The following ITGAM variants were observed in gnomAD, a reference collection of about 807,000 sequenced individuals.
ITGAM encodes the protein integrin alpha-M.
Under a neutral mutation model 137.5 loss-of-function variants are expected in ITGAM, and 79 were observed. The observed-to-expected ratio is 0.57, with a 90% CI of 0.48 to 0.69. ITGAM has a LOEUF of 0.69. ITGAM is among the 30% of genes least tolerant of loss of function. The pLI is 0.00. For synonymous variants in ITGAM, 583 were observed against 592.3 expected, an observed-to-expected ratio of 0.98 and a Z score of 0.23; for missense variants, 1,343 against 1,483.5, an observed-to-expected ratio of 0.91 and a Z score of 1.56.
intron 14 of ITGAM, among the ~76,000 whole-genome samples, chr16:31,317,787 C>A (rs2080407575): frequency 6.6e-6 from 1 of 152,028 alleles, no homozygotes; most frequent in South Asian, 2.1e-4. Context: ...TGGCGTATGA[C>A]CCTTTTGTGC....
chr16:31,298,143 G>A (rs553641299), intron 14 of ITGAM, among the ~76,000 whole-genome samples, 189 bp downstream of exon 14: 31 of 145,900 alleles, frequency 2.1e-4, no homozygotes, highest in Non-Finnish European at 1.5e-5. Flanking sequence ...TGAGTTGGGA[G>A]GATTGTTTAA....
intron 14 of ITGAM, among the ~76,000 whole-genome samples, chr16:31,304,863 C>A (rs1484296145): frequency 1.3e-5 from 2 of 152,046 alleles, no homozygotes; most frequent in Non-Finnish European, 2.9e-5. Context: ...TAACTATAGC[C>A]TTGTAGTATA....
At chr16:31,302,494 C>CTTTTTT in intron 14 of ITGAM, among the ~76,000 whole-genome samples, 6 of 87,978 alleles carry the variant, frequency 6.8e-5, no homozygotes, top group African/African-American at 3.1e-4. Context: ...TTTTTTCTTT[C>CTTTTTT]CTTCTTTCTT....
chr16:31,266,261 C>A, intron 5 of ITGAM, 114 bp downstream of exon 5: 1 of 715,792 alleles, frequency 1.4e-6, no homozygotes. Context: ...AGTGGGGGAA[C>A]TGGGTCCCAT....
At chr16:31,289,638 G>C (rs895366640) in intron 12 of ITGAM, among the ~76,000 whole-genome samples, 2 of 152,142 alleles carry the variant, frequency 1.3e-5, no homozygotes, top group Non-Finnish European at 1.5e-5. Context: ...GAAAGCATTA[G>C]GAGATATACC....
chr16:31,273,064 C>T (rs182428772), intron 7 of ITGAM, among the ~76,000 whole-genome samples: 119 of 151,798 alleles, frequency 7.8e-4, no homozygotes, highest in African/African-American at 2.8e-3. Context: ...TTTAGGAGGC[C>T]GAGGTGGGAG....
intron 14 of ITGAM, among the ~76,000 whole-genome samples, chr16:31,310,247 G>T (rs1395943244): frequency 6.6e-6 from 1 of 152,148 alleles, no homozygotes; most frequent in Non-Finnish European, 1.5e-5. Flanking sequence ...GGCCTGCCTT[G>T]CTAGATTGGG....
At chr16:31,330,259 C>T in intron 26 of ITGAM, 49 bp from the exon 27 acceptor site, 2 of 1,587,938 alleles carry the variant, frequency 1.3e-6, no homozygotes, top group Non-Finnish European at 1.7e-6. Context: ...GAGGGGTGTT[C>T]TCTGCCTTCG....
At chr16:31,302,920 C>CTTTCTTTCT (rs1879256545) in intron 14 of ITGAM, among the ~76,000 whole-genome samples, 1 of 5,914 alleles carries the variant, frequency 1.7e-4, no homozygotes, top group Admixed American at 2.0e-3. Flanking sequence ...TTCCCTCCCT[C>CTTTCTTTCT]TTTCTTTCTT....
chr16:31,273,539 G>C, intron 8 of ITGAM, 21 bp downstream of exon 8: 1 of 1,611,894 alleles, frequency 6.2e-7, no homozygotes, highest in Non-Finnish European at 8.5e-7. Flanking sequence ...CAGCTCTCAG[G>C]TTGATGCTTC....
chr16:31,295,355 G>T (rs1392334283), intron 12 of ITGAM, among the ~76,000 whole-genome samples: 1 of 151,690 alleles, frequency 6.6e-6, no homozygotes, highest in Non-Finnish European at 1.5e-5. Flanking sequence ...ATTTATTTTT[G>T]TCTTGTTTAA....
chr16:31,317,037 T>A (rs1044910463), intron 14 of ITGAM, among the ~76,000 whole-genome samples: 1 of 152,206 alleles, frequency 6.6e-6, no homozygotes, highest in South Asian at 2.1e-4. Context: ...TCATGTCAAT[T>A]GCAAACAGGG....
In ITGAM at chr16:31,260,145, G is replaced by A. The variant is rs917278631; in HGVS notation, c.28+53G>A. On this transcript the variant is annotated intron_variant, in intron 1 of 29. Transcript: ENST00000544665. ...GGGTGGGGAGGAGGGTAACTTTTGGGTCTGTCATAAATAGAGGGCCCAGAA... is the reference window on the plus strand; with the variant it reads ...GGGTGGGGAGGAGGGTAACTTTTGGATCTGTCATAAATAGAGGGCCCAGAA... 17 of 1,367,428 alleles carry A rather than the reference G, an allele frequency of 1.2e-5. No individual in the cohort carries two copies. In the Admixed American group the frequency reaches 1.9e-4, roughly 15 times the overall value. The allele number at this position is 1,367,428 out of a possible 1,614,324, so 84.7% of individuals were successfully genotyped here.
chr16:31,295,009 C>T (rs560264436), intron 12 of ITGAM, among the ~76,000 whole-genome samples: 106 of 152,206 alleles, frequency 7.0e-4, no homozygotes, highest in Non-Finnish European at 9.7e-4. Context: ...TTCTTGGCAC[C>T]TTTATTGAAG....
At chr16:31,291,660 A>G (rs1290282339) in intron 12 of ITGAM, among the ~76,000 whole-genome samples, 2 of 152,144 alleles carry the variant, frequency 1.3e-5, no homozygotes, top group African/African-American at 4.8e-5. Context: ...ACTGGAGGAC[A>G]TTATGTTAAG....
At chr16:31,292,685 T>G (rs1373275041) in intron 12 of ITGAM, among the ~76,000 whole-genome samples, 1 of 152,160 alleles carries the variant, frequency 6.6e-6, no homozygotes, top group Non-Finnish European at 1.5e-5. Context: ...TTTAGGTTGA[T>G]TCCATGTTTT....
At chr16:31,268,766 T>A (rs981008944) in intron 5 of ITGAM, among the ~76,000 whole-genome samples, 3 of 152,180 alleles carry the variant, frequency 2.0e-5, no homozygotes, top group Non-Finnish European at 2.9e-5. Context: ...CGCCGTCACA[T>A]ACGTTTGTCC....
Position 31,324,713 on chromosome 16 carries a change from G to A in ITGAM, c.2220G>A (p.Thr740=), listed in dbSNP as rs376000782. ...VLRLNFSLVG[T]PLSAFGNLRP... is the part of the protein sequence containing the mutation. ...GCCTGAACTTCTCTCTGGTGGGAAC[G>A]CCATTGTCTGCTTTCGGGAACCTCC... Residue 740 remains threonine, a synonymous_variant, in exon 18 of 30, where the codon ACG becomes ACA. Coordinates refer to ENST00000544665, the MANE Select transcript of ITGAM (RefSeq NM_000632.4). The surrounding 1 kb of genome is among the most constrained non-coding windows in gnomAD (Gnocchi z 4.5). 67 of 1,600,234 alleles carry A rather than the reference G, an allele frequency of 4.2e-5. No homozygotes were observed. Among genetic ancestry groups the A allele is most frequent in the Non-Finnish European group, 5.0e-5 (59 of 1,174,054 alleles).
At chr16:31,288,188 G>A (rs553317425) in intron 12 of ITGAM, among the ~76,000 whole-genome samples, 64 of 152,194 alleles carry the variant, frequency 4.2e-4, no homozygotes, top group African/African-American at 1.5e-3. Flanking sequence ...ATGCGTATAG[G>A]GTGGTGGGAG....
Sources: allele counts gnomAD v4.1 joint callset (sites outside exome capture counted in the v4.1 genomes callset), GRCh38; gene constraint gnomAD v4.1.1; non-coding constraint Gnocchi (gnomAD v3.1); transcripts MANE v1.5; gene names NCBI Gene and HGNC (gene_info 2026-07-23, HGNC 2026-07-21).